ROS1: variants seen among roughly 807,000 people sequenced by gnomAD.
The protein encoded by ROS1 is proto-oncogene tyrosine-protein kinase ROS.
Under a neutral mutation model 273.5 loss-of-function variants are expected in ROS1, and 263 were observed. That is an observed-to-expected ratio of 0.96 (90% CI 0.87 to 1.06). The LOEUF (loss-of-function observed/expected upper bound fraction) is 1.06. Ranked by LOEUF, ROS1 falls within the 50% of genes least tolerant of loss-of-function variation. The pLI, the probability that ROS1 is intolerant of heterozygous loss-of-function variation, is 0.00. For synonymous variants in ROS1, 1,008 were observed against 954.1 expected (o/e 1.06, Z -1.04); for missense variants, 2,833 against 2,751.1 (o/e 1.03, Z -0.67).
At chr6:117,292,827 T>C (rs955896047) in intron 43 of ROS1, among the ~76,000 whole-genome samples, 1 of 152,236 alleles carries the variant, frequency 6.6e-6, no homozygotes, top group African/African-American at 2.4e-5. Flanking sequence ...CCAAGTCCGA[T>C]AGCATCTACC....
chr6:117,354,767 A>C (rs943491263), intron 26 of ROS1, among the ~76,000 whole-genome samples: 1 of 152,218 alleles, frequency 6.6e-6, no homozygotes, highest in African/African-American at 2.4e-5. Flanking sequence ...TTGTGTATCA[A>C]ATATTAAAGA....
chr6:117,393,446 C>A (rs1405235819), intron 11 of ROS1, 125 bp from the exon 12 acceptor site: 19 of 636,158 alleles, frequency 3.0e-5, no homozygotes, highest in Admixed American at 5.5e-5. Context: ...CTGCCCAAGA[C>A]AAATGAGCAA....
chr6:117,322,747 C>A (rs879545101), intron 35 of ROS1, among the ~76,000 whole-genome samples: 1 of 152,160 alleles, frequency 6.6e-6, no homozygotes, highest in Non-Finnish European at 1.5e-5. Context: ...TTTTCTCATG[C>A]ACACACACGC....
intron 29 of ROS1, among the ~76,000 whole-genome samples, 173 bp downstream of exon 29, chr6:117,342,227 G>A (rs1777990942): frequency 6.6e-6 from 1 of 151,960 alleles, no homozygotes; most frequent in Admixed American, 6.6e-5. Context: ...TTAGCTTCAG[G>A]GGTTAGAGTA....
At chr6:117,302,479 C>T (rs1366269018) in intron 42 of ROS1, among the ~76,000 whole-genome samples, 3 of 152,168 alleles carry the variant, frequency 2.0e-5, no homozygotes, top group African/African-American at 7.2e-5. Context: ...CCAGCCTAGG[C>T]ATCAGCCCCT....
At chr6:117,347,634 T>A (rs1778486183) in intron 27 of ROS1, among the ~76,000 whole-genome samples, 1 of 152,084 alleles carries the variant, frequency 6.6e-6, no homozygotes, top group South Asian at 2.1e-4. Context: ...AGAGGGAACA[T>A]CCTTACCTTG....
intron 43 of ROS1, among the ~76,000 whole-genome samples, chr6:117,292,162 C>T (rs562590312): frequency 8.6e-5 from 13 of 151,886 alleles, no homozygotes; most frequent in Admixed American, 5.2e-4. Context: ...AGTAGAGACG[C>T]GGTTTCACCA....
At position 117,313,450 on chromosome 6, in the gene ROS1, GT is replaced by G. The variant is rs377104287; in HGVS notation, c.6118-2334del. The stretch of plus-strand genomic sequence containing the variant: ...TAGCTGGGTATGGTGGCATATGTCT[GT>G]AGTCCCAACTACTCAGGAGGCTGAG... On this transcript the variant is annotated intron_variant, in intron 39 of 43. Coordinates refer to ENST00000368507, the MANE Select transcript of ROS1 (RefSeq NM_001378902.1). Among the ~76,000 whole-genome samples, 424 of 152,010 alleles carry G rather than the reference GT, an allele frequency of 2.8e-3. 1 individual carries two copies. The highest frequency in any genetic ancestry group is 9.2e-3 in the African/African-American group (381 of 41,492).
chr6:117,299,378 T>A (rs1216966140), intron 43 of ROS1: 1 of 152,050 alleles, frequency 6.6e-6, no homozygotes, highest in Non-Finnish European at 1.5e-5. Flanking sequence ...GTGAGGGTGA[T>A]CTCACTTCAA....
chr6:117,404,196 G>A lies in ROS1; in HGVS notation c.465+84C>T, dbSNP rs1246731711. On this transcript the variant is annotated intron_variant, in intron 6 of 43. Coordinates refer to ENST00000368507, the MANE Select transcript of ROS1 (RefSeq NM_001378902.1). ...AGATCGCGCCACTGCACTCCAGCCT[G>A]GGCGACAGAGCGAGACTCCGTCTCA... is the stretch of plus-strand genomic sequence containing the variant. 2.3e-6 allele frequency: 3 copies of A among 1,297,466 alleles called. No homozygotes were observed. The African/African-American group carries it at 4.5e-5, about 20-fold the overall frequency. 80.4% of individuals were successfully genotyped at this position (1,297,466 alleles called of 1,614,324 possible). A position where few individuals can be genotyped will look rare whatever the true frequency, so the allele number is the denominator to read the frequency against.
intron 32 of ROS1, among the ~76,000 whole-genome samples, chr6:117,332,720 T>C (rs142457969): frequency 0.016 from 2,450 of 152,196 alleles, 34 homozygotes; most frequent in South Asian, 0.073. Context: ...TTCCTGGAAA[T>C]TGAACAACTT....
Position 117,288,335 on chromosome 6 carries a change from C to A in ROS1, c.*157G>T. ...GTATGGGGATTGCTACAACTGAAACCAAATGGCTCTCAGAACCAAGATTAG... is the reference window on the plus strand; with the variant it reads ...GTATGGGGATTGCTACAACTGAAACAAAATGGCTCTCAGAACCAAGATTAG... On this transcript the variant is annotated 3_prime_UTR_variant, in exon 44 of 44. Transcript: ENST00000368507. The A allele has an allele frequency of 2.9e-6, 2 of 689,730 alleles. No individual in the cohort carries two copies. The highest frequency in any genetic ancestry group is 4.8e-6 in the Non-Finnish European group (2 of 419,872). The allele number at this position is 689,730 out of a possible 1,614,324, so 42.7% of individuals were successfully genotyped here. A position where few individuals can be genotyped will look rare whatever the true frequency, so the allele number is the denominator to read the frequency against.
At chr6:117,380,328 T>C (rs1033701537) in intron 17 of ROS1, among the ~76,000 whole-genome samples, 2 of 152,110 alleles carry the variant, frequency 1.3e-5, no homozygotes, top group African/African-American at 4.8e-5. Flanking sequence ...AAGAAACAGT[T>C]ATAAGGTACA....
At chr6:117,306,558 G>C (rs1391590123) in intron 42 of ROS1, among the ~76,000 whole-genome samples, 1 of 152,114 alleles carries the variant, frequency 6.6e-6, no homozygotes, top group Non-Finnish European at 1.5e-5. Context: ...GGAATGCTCT[G>C]AACCTGGCAT....
At chr6:117,348,040 T>G (rs971038533) in intron 27 of ROS1, among the ~76,000 whole-genome samples, 1 of 152,062 alleles carries the variant, frequency 6.6e-6, no homozygotes. Flanking sequence ...TTTTCTTTTC[T>G]TGTAATATAT....
At chr6:117,369,885 ATATC>A (rs1354890111) in intron 18 of ROS1, among the ~76,000 whole-genome samples, 8 of 152,174 alleles carry the variant, frequency 5.3e-5, no homozygotes, top group Admixed American at 2.6e-4. Flanking sequence ...ATATACATAA[ATATC>A]TATCTACATG....
At chr6:117,312,455 A>G (rs1389771992) in intron 39 of ROS1, among the ~76,000 whole-genome samples, 1 of 152,000 alleles carries the variant, frequency 6.6e-6, no homozygotes, top group Non-Finnish European at 1.5e-5. Context: ...CTCCCAAATC[A>G]ATATCCTCCA....
intron 36 of ROS1, among the ~76,000 whole-genome samples, chr6:117,320,438 G>A (rs565724853): frequency 1.3e-5 from 2 of 152,192 alleles, no homozygotes; most frequent in East Asian, 1.9e-4. Context: ...TTTCACACAT[G>A]TGACATCTTA....
intron 42 of ROS1, 57 bp from the exon 43 acceptor site, chr6:117,301,194 A>C: frequency 7.1e-7 from 1 of 1,417,194 alleles, no homozygotes; most frequent in Non-Finnish European, 9.5e-7. Context: ...ATTACTGATA[A>C]CCCAGGTAGG....
Sources: gnomAD v4.1 joint callset for allele counts (sites outside exome capture counted in the v4.1 genomes callset) on GRCh38, gnomAD v4.1.1 for gene constraint, MANE v1.5 for transcripts, NCBI Gene and HGNC (gene_info 2026-07-23, HGNC 2026-07-21) for gene names.